The following DHX57 variants were observed in gnomAD, a reference collection of about 807,000 sequenced individuals.
DHX57 encodes DExH-box helicase 57.
A neutral mutation model predicts 156.2 loss-of-function variants in DHX57; 105 were observed. That is an observed-to-expected ratio of 0.67 (90% CI 0.57 to 0.79). The LOEUF (loss-of-function observed/expected upper bound fraction) is 0.79. Ranked by LOEUF, DHX57 falls within the 30% of genes least tolerant of loss-of-function variation. DHX57 has a pLI of 0.00. For missense variants in DHX57, 1,847 were observed against 1,661.9 expected (o/e 1.11, Z -1.94); for synonymous variants, 704 against 595.6 (o/e 1.18, Z -2.65).
At chr2:38,828,244 C>A in intron 14 of DHX57, 96 bp downstream of exon 14, 1 of 840,722 alleles carries the variant, frequency 1.2e-6, no homozygotes. Context: ...AATGTATGCT[C>A]GAAGACTGGT....
chr2:38,821,075 T>C (rs1337051105), intron 17 of DHX57, among the ~76,000 whole-genome samples: 4 of 151,612 alleles, frequency 2.6e-5, no homozygotes, highest in Non-Finnish European at 5.9e-5. Context: ...GAAAAAAAAA[T>C]TGCGAACTCA....
chr2:38,802,916 C>T lies in DHX57; in HGVS notation c.3817-1G>A. On this transcript the variant is annotated splice_acceptor_variant, in intron 22 of 23. Transcript: ENST00000457308. LOFTEE classifies it high-confidence loss of function. ...GGTAGGGGCTGTCAAAGTGTCTCAC[C>T]TGTAACAAAAAACCTCAGATGATGA... 6.2e-7 allele frequency: 1 copy of T among 1,613,974 alleles called. No individual in the cohort carries two copies. Among genetic ancestry groups the T allele is most frequent in the East Asian group, 2.2e-5 (1 of 44,866 alleles).
At position 38,854,181 on chromosome 2, in the gene DHX57, T is replaced by C; in HGVS notation, c.1906-3A>G. ...TATAACAGTCTGGTGGCTGAGGACT[T>C]ACACATGAAAGGGCAATATAAATCA... On this transcript the variant is annotated splice_polypyrimidine_tract_variant and splice_region_variant and intron_variant, in intron 8 of 23. Transcript: ENST00000457308. The C allele has an allele frequency of 6.2e-7, 1 of 1,613,422 alleles. No individual in the cohort carries two copies.
intron 22 of DHX57, among the ~76,000 whole-genome samples, chr2:38,804,144 GTT>G (rs1187069707): frequency 2.0e-5 from 3 of 152,148 alleles, no homozygotes; most frequent in Non-Finnish European, 2.9e-5. Context: ...CCCACTTCTA[GTT>G]TTGCATTTTT....
At chr2:38,844,750 G>A (rs1329835628) in intron 11 of DHX57, among the ~76,000 whole-genome samples, 1 of 150,612 alleles carries the variant, frequency 6.6e-6, no homozygotes, top group African/African-American at 2.5e-5. Context: ...GGGTGTTAAA[G>A]AATGACTAGA....
At chr2:38,836,117 C>T (rs1671642427) in intron 13 of DHX57, among the ~76,000 whole-genome samples, 1 of 152,180 alleles carries the variant, frequency 6.6e-6, no homozygotes, top group African/African-American at 2.4e-5. Flanking sequence ...TCTATTATGA[C>T]GTGGACCATT....
chr2:38,825,649 G>A (rs1401623183), intron 16 of DHX57, among the ~76,000 whole-genome samples, 198 bp downstream of exon 16: 1 of 152,158 alleles, frequency 6.6e-6, no homozygotes, highest in African/African-American at 2.4e-5. Flanking sequence ...GCTCTGCAAT[G>A]TAAGAGATCT....
intron 1 of DHX57, 52 bp downstream of exon 1, chr2:38,875,735 G>A (rs1665583922): frequency 3.5e-6 from 1 of 289,346 alleles, no homozygotes; most frequent in Non-Finnish European, 6.4e-6. Flanking sequence ...AGGGTGACGC[G>A]CACACCGTGC....
At chr2:38,875,582 C>G (rs970062947) in intron 1 of DHX57, among the ~76,000 whole-genome samples, 14 of 152,176 alleles carry the variant, frequency 9.2e-5, no homozygotes, top group African/African-American at 3.1e-4. Flanking sequence ...CGGCAGAGCC[C>G]GCCTTGGTTC....
At chr2:38,804,217 G>A (rs971669491) in intron 22 of DHX57, among the ~76,000 whole-genome samples, 12 of 152,174 alleles carry the variant, frequency 7.9e-5, no homozygotes, top group Admixed American at 2.6e-4. Context: ...CTGGCAGGGC[G>A]TGGTGGCTCA....
At chr2:38,803,489 AT>A (rs57123362) in intron 22 of DHX57, among the ~76,000 whole-genome samples, 128,949 of 144,496 alleles carry the variant, frequency 0.89, 58,552 homozygotes, top group East Asian at 0.99. Context: ...CAGCTAACAA[AT>A]TTTTTTTTTT....
intron 23 of DHX57, among the ~76,000 whole-genome samples, chr2:38,798,879 G>C (rs1669527191): frequency 6.6e-6 from 1 of 152,122 alleles, no homozygotes; most frequent in Non-Finnish European, 1.5e-5. Context: ...GGAGGTGGAG[G>C]TTGCAGTGAG....
intron 16 of DHX57, 141 bp from the exon 17 acceptor site, chr2:38,823,410 A>T: frequency 8.5e-6 from 7 of 824,410 alleles, no homozygotes. Flanking sequence ...TTCTACCAAT[A>T]AACCACAAAA....
chr2:38,854,140 C>T lies in DHX57; in HGVS notation c.1944G>A (p.Val648=). 6.2e-7 allele frequency: 1 copy of T among 1,613,960 alleles called. No individual in the cohort carries two copies. Among genetic ancestry groups the T allele is most frequent in the Non-Finnish European group, 8.5e-7 (1 of 1,179,894 alleles). The change falls in exon 9 of 24, where the codon GTG becomes GTA. Residue 648 remains valine, a synonymous_variant. Coordinates refer to ENST00000457308, the MANE Select transcript of DHX57 (RefSeq NM_198963.3). ...ATRLLYCTTG[V]LLRRLEGDTA... is the part of the protein sequence containing the mutation. ...TATCTCCTTCTAGCCTTCTCAGCAG[C>T]ACTCCCGTGGTGCAGTATAACAGTC...
chr2:38,854,128 C>T lies in DHX57; in HGVS notation c.1956G>A (p.Arg652=), dbSNP rs778441450. Residue 652 remains arginine (R), a synonymous_variant, in exon 9 of 24, where the codon AGG becomes AGA. Coordinates refer to ENST00000457308, the MANE Select transcript of DHX57 (RefSeq NM_198963.3). ...CTTGTAGAGCTGTATCTCCTTCTAGCCTTCTCAGCAGCACTCCCGTGGTGC... is the reference window on the plus strand; with the variant it reads ...CTTGTAGAGCTGTATCTCCTTCTAGTCTTCTCAGCAGCACTCCCGTGGTGC... The part of the protein sequence containing the change: ...LYCTTGVLLR[R]LEGDTALQGV... The T allele has an allele frequency of 1.9e-6, 3 of 1,614,056 alleles. No homozygotes were observed. In the South Asian group the frequency reaches 3.3e-5, roughly 18 times the overall value.
intron 10 of DHX57, 60 bp from the exon 11 acceptor site, chr2:38,847,133 T>A: frequency 1.6e-6 from 2 of 1,286,050 alleles, no homozygotes; most frequent in Non-Finnish European, 1.1e-6. Flanking sequence ...CATCTTGAAA[T>A]AGTTTATATA....
intron 16 of DHX57, 128 bp from the exon 17 acceptor site, chr2:38,823,397 T>C: frequency 1.0e-6 from 1 of 956,030 alleles, no homozygotes. Context: ...TCATGTTTTC[T>C]ACTTCTACCA....
chr2:38,863,476 A>C lies in DHX57; in HGVS notation c.268T>G (p.Trp90Gly). 1.9e-6 allele frequency: 3 copies of C among 1,614,100 alleles called. No homozygotes were observed. The highest frequency in any genetic ancestry group is 2.5e-6 in the Non-Finnish European group (3 of 1,180,016). The change falls in exon 3 of 24, where the codon TGG becomes GGG. Residue 90 changes from tryptophan (W) to glycine (G), a missense_variant. By Grantham distance (184) the Trp-to-Gly change is radical (BLOSUM62 -2). Transcript: ENST00000457308. Reference sequence around the variant, plus strand: ...AGGGGTACTTTGGCTTTGGGTTTCCATTTTGGGCGTGACTCTCCTTTGCTT... The same window carrying C: ...AGGGGTACTTTGGCTTTGGGTTTCCCTTTTGGGCGTGACTCTCCTTTGCTT... Reference protein sequence around the residue: ...NISKGESRPKWKPKAKVPLQT... With the variant: ...NISKGESRPKGKPKAKVPLQT...
At chr2:38,817,141 G>A (rs3112139) in intron 19 of DHX57, among the ~76,000 whole-genome samples, 143,640 of 152,122 alleles carry the variant, frequency 0.94, 68,400 homozygotes, top group East Asian at 1. Context: ...CATGTTGCCC[G>A]GGCTGGTCTC....
Sources: allele counts gnomAD v4.1 joint callset (sites outside exome capture counted in the v4.1 genomes callset), GRCh38; gene constraint gnomAD v4.1.1; transcripts MANE v1.5; gene names NCBI Gene and HGNC (gene_info 2026-07-23, HGNC 2026-07-21).